SEM1: variants seen among roughly 807,000 people sequenced by gnomAD.
SEM1 encodes SEM1 26S proteasome subunit, also known as 26S proteasome complex subunit SEM1.
A neutral mutation model predicts 12.7 loss-of-function variants in SEM1; 3 were observed. That is an observed-to-expected ratio of 0.24 (90% CI 0.11 to 0.61). The LOEUF (loss-of-function observed/expected upper bound fraction) is 0.61. Among genes scored for constraint, SEM1 ranks in the 20% least tolerant of loss-of-function variants. The pLI is 0.88. For missense variants in SEM1, 59 were observed against 81.3 expected (o/e 0.73, Z 1.06); for synonymous variants, 30 against 27.8 (o/e 1.08, Z -0.25).
At chr7:96,521,388 C>G (rs1008485841) in intron 2 of SEM1, among the ~76,000 whole-genome samples, 8 of 152,146 alleles carry the variant, frequency 5.3e-5, no homozygotes, top group Non-Finnish European at 1.0e-4. Flanking sequence ...ATGGTACAAG[C>G]CACACCACAA....
At chr7:96,523,150 T>C (rs1804339656) in intron 2 of SEM1, among the ~76,000 whole-genome samples, 1 of 152,168 alleles carries the variant, frequency 6.6e-6, no homozygotes, top group Non-Finnish European at 1.5e-5. Flanking sequence ...CAGATGTTCT[T>C]CTAATTTTCA....
intron 2 of SEM1, among the ~76,000 whole-genome samples, chr7:96,644,827 G>A (rs952904486): frequency 2.0e-5 from 3 of 152,092 alleles, no homozygotes; most frequent in East Asian, 1.9e-4. Context: ...TAAGAAGATC[G>A]ATTAACTTGT....
intron 2 of SEM1, among the ~76,000 whole-genome samples, chr7:96,550,836 C>T (rs1333613943): frequency 1.3e-5 from 2 of 152,016 alleles, no homozygotes; most frequent in East Asian, 3.9e-4. Flanking sequence ...AATGATTGGC[C>T]TATGCGATCA....
chr7:96,691,684 C>G (rs1791164068), intron 2 of SEM1, among the ~76,000 whole-genome samples: 1 of 152,164 alleles, frequency 6.6e-6, no homozygotes, highest in Non-Finnish European at 1.5e-5. Flanking sequence ...TTAATCAAGA[C>G]AAATTTTTTA....
chr7:96,582,003 A>G (rs1185928081), intron 2 of SEM1, among the ~76,000 whole-genome samples: 1 of 147,156 alleles, frequency 6.8e-6, no homozygotes, highest in African/African-American at 2.5e-5. Flanking sequence ...AACTTCCAAC[A>G]CTATGTTGAA....
chr7:96,563,264 A>G lies in SEM1; in HGVS notation c.171-56566T>C, dbSNP rs76000103. 3.5e-3 allele frequency among the ~76,000 whole-genome samples: 535 copies of G among 152,202 alleles called. 1 individual carries two copies. The highest frequency in any genetic ancestry group is 0.012 in the African/African-American group (506 of 41,540). ...GTGGCATTAGGAGGGTTGGGAAGGT[A>G]TATTCTGATTGCTTCTATTTTTTCA... On this transcript the variant is annotated intron_variant and NMD_transcript_variant, in intron 2 of 3. Transcript: ENST00000466986.
intron 1 of SEM1, among the ~76,000 whole-genome samples, chr7:96,707,373 A>C (rs1790499146): frequency 6.6e-6 from 1 of 152,230 alleles, no homozygotes; most frequent in South Asian, 2.1e-4. Context: ...GAGTGGTTTC[A>C]CCTTGTGGGA....
chr7:96,484,687 C>T (rs755440622), intron 3 of SEM1: 2 of 384,716 alleles, frequency 5.2e-6, no homozygotes, highest in Non-Finnish European at 9.9e-6. Context: ...TTATTCCACT[C>T]ACTTACCAAA....
At chr7:96,494,361 G>A (rs1395132719) in intron 1 of SEM1, among the ~76,000 whole-genome samples, 2 of 152,124 alleles carry the variant, frequency 1.3e-5, no homozygotes, top group African/African-American at 2.4e-5. Context: ...AGCATTCTAA[G>A]AAATTTGAAA....
At position 96,519,239 on chromosome 7, in the gene SEM1, C is replaced by T. The variant is rs1413508391; in HGVS notation, c.171-12541G>A. Among the ~76,000 whole-genome samples the T allele has an allele frequency of 2.0e-5, 3 of 152,210 alleles. No homozygotes were observed. The East Asian group carries it at 5.8e-4, about 29-fold the overall frequency. On this transcript the variant is annotated intron_variant and NMD_transcript_variant, in intron 2 of 3. Coordinates refer to the SEM1 transcript ENST00000466986. ...GAAGGGAGGTAATATTTACAGAGGACAGAAATTTCATTGATTCAACAAAAC... is the reference window on the plus strand; with the variant it reads ...GAAGGGAGGTAATATTTACAGAGGATAGAAATTTCATTGATTCAACAAAAC...
chr7:96,629,665 A>T (rs1218553758), intron 2 of SEM1, among the ~76,000 whole-genome samples: 2 of 152,062 alleles, frequency 1.3e-5, no homozygotes, highest in Non-Finnish European at 2.9e-5. Flanking sequence ...TGGTGAGGTC[A>T]TGCTTTCCTG....
At chr7:96,705,688 C>T (rs1790434761) in intron 1 of SEM1, among the ~76,000 whole-genome samples, 1 of 151,730 alleles carries the variant, frequency 6.6e-6, no homozygotes, top group Non-Finnish European at 1.5e-5. Flanking sequence ...GGCGTGGTGA[C>T]GGGCACCTGT....
intron 1 of SEM1, among the ~76,000 whole-genome samples, chr7:96,490,572 G>A (rs777567234): frequency 1.1e-4 from 16 of 152,142 alleles, no homozygotes; most frequent in South Asian, 8.3e-4. Context: ...AAGACCACAG[G>A]GGTGTCTCTT....
chr7:96,524,066 CT>C (rs1262681813), intron 2 of SEM1, among the ~76,000 whole-genome samples: 1 of 152,088 alleles, frequency 6.6e-6, no homozygotes, highest in Non-Finnish European at 1.5e-5. Context: ...AAACAGGGCA[CT>C]TCTTATGTAG....
chr7:96,503,197 T>C (rs1398465688), intron 3 of SEM1, among the ~76,000 whole-genome samples: 4 of 152,170 alleles, frequency 2.6e-5, no homozygotes, highest in Non-Finnish European at 5.9e-5. Context: ...TAGTGAGTTG[T>C]TAAACTCTTT....
At chr7:96,503,505 A>T (rs1406572802) in intron 3 of SEM1, 1 of 152,160 alleles carries the variant, frequency 6.6e-6, no homozygotes, top group African/African-American at 2.4e-5. Flanking sequence ...CATCTCGGAG[A>T]CTGCATATCG....
intron 2 of SEM1, among the ~76,000 whole-genome samples, chr7:96,609,205 T>C (rs1023874719): frequency 1.3e-5 from 2 of 152,222 alleles, no homozygotes; most frequent in Non-Finnish European, 2.9e-5. Flanking sequence ...AGCATCTGCC[T>C]GTGCCTATTG....
At chr7:96,642,452 C>T (rs1808645137) in intron 2 of SEM1, among the ~76,000 whole-genome samples, 1 of 151,890 alleles carries the variant, frequency 6.6e-6, no homozygotes, top group Non-Finnish European at 1.5e-5. Flanking sequence ...GGTACGGTAG[C>T]GTTTATCTTG....
chr7:96,652,929 T>C (rs1385644205), intron 2 of SEM1, among the ~76,000 whole-genome samples: 1 of 152,224 alleles, frequency 6.6e-6, no homozygotes, highest in Non-Finnish European at 1.5e-5. Context: ...GATTTTCTAG[T>C]AGCTACAGCA....
Sources: gnomAD v4.1 joint callset for allele counts (sites outside exome capture counted in the v4.1 genomes callset) on GRCh38, gnomAD v4.1.1 for gene constraint, MANE v1.5 for transcripts, NCBI Gene and HGNC (gene_info 2026-07-23, HGNC 2026-07-21) for gene names.